Variants in PLCB4 observed in about 807,000 individuals in gnomAD.
PLCB4 encodes the protein phospholipase C beta 4.
A neutral mutation model predicts 178.8 loss-of-function variants in PLCB4; 77 were observed. The observed-to-expected ratio is 0.43, with a 90% CI of 0.36 to 0.52. PLCB4 has a LOEUF of 0.52. PLCB4 is among the 20% of genes least tolerant of loss of function. The pLI is 0.00. For synonymous variants in PLCB4, 496 were observed against 490.8 expected (o/e 1.01, Z -0.14); for missense variants, 1,024 against 1,453.4 (o/e 0.70, Z 4.80).
intron 2 of PLCB4, among the ~76,000 whole-genome samples, chr20:9,097,607 A>G (rs2146607520): frequency 6.6e-6 from 1 of 152,288 alleles, no homozygotes; most frequent in Non-Finnish European, 1.5e-5. Context: ...ATTTAATTAC[A>G]ATAACAAATT....
At chr20:9,447,026 C>T (rs551877724) in intron 32 of PLCB4, among the ~76,000 whole-genome samples, 5 of 152,280 alleles carry the variant, frequency 3.3e-5, no homozygotes, top group Admixed American at 6.5e-5. Flanking sequence ...CTCCATATGA[C>T]GTGTTTATCC....
intron 3 of PLCB4, among the ~76,000 whole-genome samples, chr20:9,230,211 AT>A (rs2093917067): frequency 6.6e-6 from 1 of 152,118 alleles, no homozygotes; most frequent in Non-Finnish European, 1.5e-5. Context: ...ATCACACTGG[AT>A]TTGGGCCCAC....
intron 22 of PLCB4, among the ~76,000 whole-genome samples, 188 bp from the exon 23 acceptor site, chr20:9,408,445 G>A (rs1402913493): frequency 5.3e-5 from 6 of 113,074 alleles, no homozygotes; most frequent in Admixed American, 1.8e-4. Context: ...TCATATTTCG[G>A]TGGTGGCTGA....
At chr20:9,405,162 G>T (rs2039341997) in intron 20 of PLCB4, 151 bp from the exon 21 acceptor site, 2 of 526,872 alleles carry the variant, frequency 3.8e-6, no homozygotes, top group South Asian at 6.3e-5. Flanking sequence ...GGCCATCCAT[G>T]GCTTTTTGTC....
At chr20:9,241,416 A>T (rs1176607016) in intron 3 of PLCB4, among the ~76,000 whole-genome samples, 1 of 140,286 alleles carries the variant, frequency 7.1e-6, no homozygotes, top group Non-Finnish European at 1.6e-5. Context: ...ACACACACAC[A>T]CACTCACTCA....
rs769771867 is a variant in PLCB4, at chr20:9,393,687, AAC to A, written c.1414+17_1414+18del. The A allele has an allele frequency of 5.9e-6, 9 of 1,527,678 alleles. No individual in the cohort carries two copies. Among genetic ancestry groups the A allele is most frequent in the South Asian group, 3.4e-5 (3 of 89,296 alleles). 94.6% of individuals were successfully genotyped at this position (1,527,678 alleles called of 1,614,324 possible). ...ACCTGAAGTTGAAAAAAGTAAGTGA[AAC>A]ACACACATTTATAATGGAAGCATAC... On this transcript the variant is annotated intron_variant, in intron 18 of 39. Coordinates refer to ENST00000378473, the MANE Select transcript of PLCB4 (RefSeq NM_001377142.1).
At chr20:9,125,930 T>C (rs753466254) in intron 2 of PLCB4, among the ~76,000 whole-genome samples, 1 of 152,144 alleles carries the variant, frequency 6.6e-6, no homozygotes, top group Non-Finnish European at 1.5e-5. Flanking sequence ...GAGACAGGCA[T>C]TAACCTAAGG....
chr20:9,282,455 T>G (rs942925019), intron 3 of PLCB4, among the ~76,000 whole-genome samples: 5 of 151,990 alleles, frequency 3.3e-5, no homozygotes, highest in Non-Finnish European at 7.4e-5. Flanking sequence ...ACCCCCATAC[T>G]CACACCCTGG....
chr20:9,362,672 A>G (rs1315454866), intron 7 of PLCB4, among the ~76,000 whole-genome samples: 1 of 152,246 alleles, frequency 6.6e-6, no homozygotes, highest in African/African-American at 2.4e-5. Context: ...CCAGAGTTTA[A>G]TGGCACAATA....
At chr20:9,380,375 A>G (rs1243238376) in intron 13 of PLCB4, among the ~76,000 whole-genome samples, 1 of 152,138 alleles carries the variant, frequency 6.6e-6, no homozygotes, top group Non-Finnish European at 1.5e-5. Context: ...CATTTATTGT[A>G]TTATTAAATA....
chr20:9,328,323 A>G (rs1453551898), intron 4 of PLCB4, among the ~76,000 whole-genome samples: 4 of 152,198 alleles, frequency 2.6e-5, no homozygotes, highest in Non-Finnish European at 4.4e-5. Flanking sequence ...GTCAGTAGGA[A>G]CAGAGTTTTT....
At chr20:9,126,996 A>G (rs1329442334) in intron 2 of PLCB4, among the ~76,000 whole-genome samples, 2 of 152,264 alleles carry the variant, frequency 1.3e-5, no homozygotes, top group South Asian at 2.1e-4. Context: ...ACATACTTAC[A>G]TAGCATATCC....
chr20:9,197,310 G>A (rs930549885), intron 2 of PLCB4, among the ~76,000 whole-genome samples: 3 of 152,064 alleles, frequency 2.0e-5, no homozygotes, highest in Non-Finnish European at 4.4e-5. Flanking sequence ...TCCAATATGG[G>A]CACCACTTGC....
intron 3 of PLCB4, among the ~76,000 whole-genome samples, chr20:9,297,755 A>G (rs1457659181): frequency 3.9e-5 from 6 of 152,018 alleles, no homozygotes; most frequent in Non-Finnish European, 7.4e-5. Context: ...ATGGACAACT[A>G]TGTACTTTTA....
At chr20:9,254,316 T>C (rs913139534) in intron 3 of PLCB4, among the ~76,000 whole-genome samples, 1 of 152,200 alleles carries the variant, frequency 6.6e-6, no homozygotes, top group South Asian at 2.1e-4. Flanking sequence ...AGTTCCTGTT[T>C]TAAGTGTATA....
chr20:9,460,058 G>A (rs113492376), intron 35 of PLCB4, among the ~76,000 whole-genome samples: 1 of 152,126 alleles, frequency 6.6e-6, no homozygotes, highest in Non-Finnish European at 1.5e-5. Context: ...AGGATTACTT[G>A]AGCCCAGGAC....
chr20:9,071,805 A>C (rs1451718701), intron 1 of PLCB4, among the ~76,000 whole-genome samples: 1 of 152,198 alleles, frequency 6.6e-6, no homozygotes, highest in Non-Finnish European at 1.5e-5. Flanking sequence ...ATTTTCTTTG[A>C]AACTTAAAAT....
chr20:9,275,282 A>C (rs557078767), intron 3 of PLCB4, among the ~76,000 whole-genome samples: 1 of 152,108 alleles, frequency 6.6e-6, no homozygotes, highest in South Asian at 2.1e-4. Context: ...ATCTCGCAAG[A>C]CTTATTCAGT....
chr20:9,122,880 G>C (rs191906048), intron 2 of PLCB4, among the ~76,000 whole-genome samples: 53 of 152,208 alleles, frequency 3.5e-4, no homozygotes, highest in African/African-American at 1.3e-3. Flanking sequence ...TGTAGGAATT[G>C]AATTATAAAT....
Sources: gnomAD v4.1 joint callset for allele counts (sites outside exome capture counted in the v4.1 genomes callset) on GRCh38, gnomAD v4.1.1 for gene constraint, MANE v1.5 for transcripts, NCBI Gene and HGNC (gene_info 2026-07-23, HGNC 2026-07-21) for gene names.